PRRX2: variants seen among roughly 807,000 people sequenced by gnomAD.
PRRX2 encodes paired related homeobox 2, also known as paired mesoderm homeobox protein 2.
In PRRX2, 11 loss-of-function variants were observed where a neutral mutation model predicts 18.0. The ratio of observed to expected loss-of-function variants is 0.61; its 90% CI spans 0.39 to 1.01. PRRX2 has a LOEUF of 1.01. Among genes scored for constraint, PRRX2 ranks in the 50% least tolerant of loss-of-function variants. The pLI is 0.01. For synonymous variants in PRRX2, 177 were observed against 154.8 expected (o/e 1.14, Z -1.06); for missense variants, 387 against 351.0 (o/e 1.10, Z -0.82).
At chr9:129,694,623 A>G (rs1053678536) in intron 1 of PRRX2, among the ~76,000 whole-genome samples, 29 of 152,170 alleles carry the variant, frequency 1.9e-4, no homozygotes, top group Admixed American at 1.3e-4. Flanking sequence ...CTGGTGCATC[A>G]GGATGTGGAT....
intron 1 of PRRX2, among the ~76,000 whole-genome samples, chr9:129,679,639 G>A (rs1434935737): frequency 5.3e-5 from 8 of 152,192 alleles, no homozygotes; most frequent in African/African-American, 1.2e-4. Context: ...GGCTGACTGC[G>A]ACCTTACCCA....
At chr9:129,684,343 A>T (rs1194593898) in intron 1 of PRRX2, among the ~76,000 whole-genome samples, 2 of 151,896 alleles carry the variant, frequency 1.3e-5, no homozygotes, top group Non-Finnish European at 2.9e-5. Flanking sequence ...TTAAGCAATG[A>T]CACTGGGGCC....
chr9:129,672,629 AC>A (rs1202712006), intron 1 of PRRX2, among the ~76,000 whole-genome samples: 4 of 152,010 alleles, frequency 2.6e-5, no homozygotes, highest in African/African-American at 9.7e-5. Flanking sequence ...ATCTCCAGCA[AC>A]CTGGCCTGGG....
At chr9:129,684,659 G>C (rs73670172) in intron 1 of PRRX2, among the ~76,000 whole-genome samples, 10,179 of 152,200 alleles carry the variant, frequency 0.067, 447 homozygotes, top group African/African-American at 0.12. Context: ...GGCCTGGGCT[G>C]TGTGGGGTGG....
intron 1 of PRRX2, among the ~76,000 whole-genome samples, chr9:129,669,350 G>A (rs57056892): frequency 0.011 from 1,604 of 152,338 alleles, 30 homozygotes; most frequent in East Asian, 0.037. Context: ...CACCAGGCAC[G>A]TTAGGAAAAC....
intron 1 of PRRX2, among the ~76,000 whole-genome samples, chr9:129,678,493 GA>G (rs1439051579): frequency 4.6e-5 from 7 of 152,204 alleles, no homozygotes; most frequent in Non-Finnish European, 1.0e-4. Context: ...ACATTGTCTG[GA>G]GGTTCAGGGA....
At chr9:129,697,075 C>A (rs1447533438) in intron 1 of PRRX2, among the ~76,000 whole-genome samples, 1 of 152,240 alleles carries the variant, frequency 6.6e-6, no homozygotes, top group Non-Finnish European at 1.5e-5. Context: ...TGGAGACACG[C>A]CCATAGGCGC....
At chr9:129,688,412 T>A (rs192227809) in intron 1 of PRRX2, among the ~76,000 whole-genome samples, 1 of 151,276 alleles carries the variant, frequency 6.6e-6, no homozygotes, top group Non-Finnish European at 1.5e-5. Context: ...ATAATGGGGG[T>A]CATTTGAAGA....
intron 1 of PRRX2, among the ~76,000 whole-genome samples, chr9:129,676,556 CAG>C (rs939570800): frequency 6.0e-4 from 92 of 152,296 alleles, no homozygotes; most frequent in African/African-American, 2.1e-3. Flanking sequence ...CATGTGCTTT[CAG>C]GACACTGTGA....
rs1222389125 is a variant in PRRX2 at position 129,680,468 on chromosome 9, A to AC, written c.259+14350dup. ...AATTTGCTTTCTCTCTCTCTCTCCC[A>AC]CCCCCCCCACCCGCCCTAGACACCT... On this transcript the variant is annotated intron_variant, in intron 1 of 3. Coordinates refer to ENST00000372469, the MANE Select transcript of PRRX2 (RefSeq NM_016307.4). 5.3e-4 allele frequency among the ~76,000 whole-genome samples: 48 copies of AC among 90,658 alleles called. 1 individual carries two copies. The highest frequency in any genetic ancestry group is 1.5e-3 in the South Asian group (3 of 2,058). 59.5% of individuals were successfully genotyped at this position (90,658 alleles called of 152,430 possible).
chr9:129,667,077 A>T (rs983225165), intron 1 of PRRX2, among the ~76,000 whole-genome samples: 1 of 152,192 alleles, frequency 6.6e-6, no homozygotes, highest in Non-Finnish European at 1.5e-5. Flanking sequence ...GGTGCAGGGA[A>T]AACAGAGGTG....
At chr9:129,683,077 C>G (rs1266917377) in intron 1 of PRRX2, among the ~76,000 whole-genome samples, 3 of 152,010 alleles carry the variant, frequency 2.0e-5, no homozygotes, top group Non-Finnish European at 4.4e-5. Flanking sequence ...CACTACACTC[C>G]AGCCTGGGTG....
rs142340735 is a variant in PRRX2, at chr9:129,678,586, C to T, written c.259+12460C>T. 3.1e-3 allele frequency among the ~76,000 whole-genome samples: 474 copies of T among 152,108 alleles called. 4 individuals carry two copies. Among genetic ancestry groups the T allele is most frequent in the African/African-American group, 0.011 (455 of 41,486 alleles). ...CCAGTAGAGGAGGTCAGGGAGGGCA[C>T]GCCGGGTGGAGGAAACAGCAGACGG... On this transcript the variant is annotated intron_variant, in intron 1 of 3. Coordinates refer to ENST00000372469, the MANE Select transcript of PRRX2 (RefSeq NM_016307.4).
At chr9:129,692,180 C>T (rs767668179) in intron 1 of PRRX2, among the ~76,000 whole-genome samples, 55 of 151,306 alleles carry the variant, frequency 3.6e-4, no homozygotes, top group Non-Finnish European at 1.5e-4. Flanking sequence ...GAACTCCTGA[C>T]CTAAAGTGAT....
At chr9:129,666,628 C>T (rs1249796370) in intron 1 of PRRX2, among the ~76,000 whole-genome samples, 3 of 149,420 alleles carry the variant, frequency 2.0e-5, no homozygotes, top group African/African-American at 7.4e-5. Context: ...AACGGCCCAG[C>T]CAGGCCTCTC....
intron 1 of PRRX2, among the ~76,000 whole-genome samples, chr9:129,683,743 AT>A (rs1175683419): frequency 6.6e-6 from 1 of 151,994 alleles, no homozygotes; most frequent in African/African-American, 2.4e-5. Flanking sequence ...TCAAAAAAAA[AT>A]AAAAAATAAA....
At chr9:129,689,721 G>A (rs1187443226) in intron 1 of PRRX2, among the ~76,000 whole-genome samples, 1 of 151,580 alleles carries the variant, frequency 6.6e-6, no homozygotes, top group Non-Finnish European at 1.5e-5. Context: ...CGACTCTCCG[G>A]GGTGGGGGCG....
chr9:129,690,946 T>C (rs573043619), intron 1 of PRRX2, among the ~76,000 whole-genome samples: 2 of 152,254 alleles, frequency 1.3e-5, no homozygotes, highest in South Asian at 4.1e-4. Flanking sequence ...TAGAGTGGTG[T>C]GCTTGTGCCC....
At chr9:129,682,383 AAG>A (rs1832243880) in intron 1 of PRRX2, among the ~76,000 whole-genome samples, 1 of 152,056 alleles carries the variant, frequency 6.6e-6, no homozygotes, top group African/African-American at 2.4e-5. Context: ...GAGGGCCCCT[AAG>A]AGAGGAGGGG....
Sources: allele counts gnomAD v4.1 joint callset (sites outside exome capture counted in the v4.1 genomes callset), GRCh38; gene constraint gnomAD v4.1.1; transcripts MANE v1.5; gene names NCBI Gene and HGNC (gene_info 2026-07-23, HGNC 2026-07-21).